Variants in LRRC37A2 observed in about 807,000 individuals in gnomAD.
The protein encoded by LRRC37A2 is leucine-rich repeat-containing protein 37A2.
LRRC37A2 carries 9 observed loss-of-function variants against 68.8 expected under a neutral mutation model. The ratio of observed to expected loss-of-function variants is 0.13; its 90% CI spans 0.08 to 0.23. The LOEUF (loss-of-function observed/expected upper bound fraction) is 0.23, where lower values mean the gene tolerates loss of function less well. LRRC37A2 is among the 10% of genes least tolerant of loss of function. The pLI, the probability that LRRC37A2 is intolerant of heterozygous loss-of-function variation, is 1.00. For synonymous variants in LRRC37A2, 63 were observed against 367.6 expected (o/e 0.17, Z 9.48); for missense variants, 168 against 950.4 (o/e 0.18, Z 10.82).
the LRRC37A2 span, among the ~76,000 whole-genome samples, chr17:46,831,993 A>G: frequency 6.6e-6 from 1 of 152,244 alleles, no homozygotes; most frequent in African/African-American, 2.4e-5. Context: ...CCCAGCCTTC[A>G]GCAGAGGCTT....
the LRRC37A2 span, among the ~76,000 whole-genome samples, chr17:46,951,681 A>G: frequency 6.6e-6 from 1 of 152,164 alleles, no homozygotes; most frequent in Non-Finnish European, 1.5e-5. Flanking sequence ...CTCCCAGGCC[A>G]GGGTAATGCT....
the LRRC37A2 span, among the ~76,000 whole-genome samples, chr17:46,938,220 T>C: frequency 6.6e-6 from 1 of 152,176 alleles, no homozygotes; most frequent in African/African-American, 2.4e-5. Context: ...AATTGTGGCT[T>C]TAGCTTTTAT....
the LRRC37A2 span, among the ~76,000 whole-genome samples, chr17:46,796,660 G>C: frequency 6.6e-6 from 1 of 152,338 alleles, no homozygotes; most frequent in African/African-American, 2.4e-5. Flanking sequence ...TGCAACTACA[G>C]GGGACCTAAG....
chr17:46,926,373 G>T, the LRRC37A2 span, among the ~76,000 whole-genome samples: 2 of 152,134 alleles, frequency 1.3e-5, no homozygotes, highest in African/African-American at 4.8e-5. Context: ...TTATGGGGTG[G>T]TGGGGGGCGG....
chr17:46,881,375 C>G, the LRRC37A2 span, among the ~76,000 whole-genome samples: 1 of 152,246 alleles, frequency 6.6e-6, no homozygotes, highest in African/African-American at 2.4e-5. Context: ...CGTCCACATG[C>G]AGCAGCAGGC....
the LRRC37A2 span, among the ~76,000 whole-genome samples, chr17:46,499,494 G>A: frequency 6.8e-6 from 1 of 146,796 alleles, no homozygotes; most frequent in African/African-American, 2.7e-5. Flanking sequence ...CTGCATCTCT[G>A]CCCTCAGCAG....
At chr17:46,941,096 A>G in the LRRC37A2 span, 2 of 1,041,792 alleles carry the variant, frequency 1.9e-6, no homozygotes, top group South Asian at 3.6e-5. Context: ...TGGTGTGCCT[A>G]TTGTGATTTA....
chr17:46,862,707 C>T, the LRRC37A2 span, among the ~76,000 whole-genome samples: 84 of 152,210 alleles, frequency 5.5e-4, 3 homozygotes, highest in East Asian at 0.015. Flanking sequence ...CTCAGCCTCC[C>T]GAGTAGCTAG....
At chr17:46,958,027 T>C in the LRRC37A2 span, among the ~76,000 whole-genome samples, 1 of 152,184 alleles carries the variant, frequency 6.6e-6, no homozygotes, top group Non-Finnish European at 1.5e-5. Flanking sequence ...TGGCTGCTGC[T>C]TTGGGAGTCT....
the LRRC37A2 span, among the ~76,000 whole-genome samples, chr17:46,725,784 C>T: frequency 6.6e-6 from 1 of 152,064 alleles, no homozygotes; most frequent in Non-Finnish European, 1.5e-5. Context: ...GAAACTAATT[C>T]TTACTCATGA....
chr17:46,742,155 T>A, the LRRC37A2 span, among the ~76,000 whole-genome samples: 5 of 152,218 alleles, frequency 3.3e-5, no homozygotes, highest in Non-Finnish European at 7.3e-5. Flanking sequence ...GCTAATCAAT[T>A]GATTAAAAGA....
chr17:46,813,810 T>C, the LRRC37A2 span, among the ~76,000 whole-genome samples: 5 of 152,188 alleles, frequency 3.3e-5, no homozygotes, highest in Non-Finnish European at 5.9e-5. Context: ...GTACCATTAA[T>C]GTTTATTAGC....
the LRRC37A2 span, among the ~76,000 whole-genome samples, chr17:46,999,152 T>C: frequency 3.9e-5 from 6 of 152,206 alleles, no homozygotes; most frequent in Non-Finnish European, 8.8e-5. Flanking sequence ...TTTAATTAGG[T>C]ACTATAGAGC....
the LRRC37A2 span, among the ~76,000 whole-genome samples, chr17:46,896,775 C>T: frequency 1.3e-5 from 2 of 152,182 alleles, no homozygotes; most frequent in Admixed American, 1.3e-4. Context: ...GCAGTCCTTG[C>T]CACTCACTGT....
chr17:46,836,112 G>GTGTGTGTGTGTGTA, the LRRC37A2 span, among the ~76,000 whole-genome samples: 1 of 151,556 alleles, frequency 6.6e-6, no homozygotes, highest in African/African-American at 2.4e-5. Context: ...GTGTGTGTGT[G>GTGTGTGTGTGTGTA]TGTGTGTGTG....
chr17:46,635,896 A>G, the LRRC37A2 span, among the ~76,000 whole-genome samples: 2 of 114,252 alleles, frequency 1.8e-5, no homozygotes, highest in Non-Finnish European at 1.9e-5. Context: ...CTCCTGGGGA[A>G]ACTCAAATGC....
At chr17:46,932,412 G>A in the LRRC37A2 span, 56 of 619,566 alleles carry the variant, frequency 9.0e-5, no homozygotes, top group South Asian at 1.0e-3. Flanking sequence ...AGAGGAAGCA[G>A]TTAAATTGAA....
the LRRC37A2 span, among the ~76,000 whole-genome samples, chr17:46,904,208 G>A: frequency 6.8e-6 from 1 of 146,716 alleles, no homozygotes; most frequent in Non-Finnish European, 1.5e-5. Context: ...GGATATATGG[G>A]TGGGTGGGAA....
At chr17:46,551,120 C>A (rs1305219394) in intron 11 of LRRC37A2, among the ~76,000 whole-genome samples, 1 of 149,706 alleles carries the variant, frequency 6.7e-6, no homozygotes, top group African/African-American at 2.6e-5. Flanking sequence ...TGAGCCTAGA[C>A]CCTCTGTGAG....
Sources: gnomAD v4.1 joint callset for allele counts (sites outside exome capture counted in the v4.1 genomes callset) on GRCh38, gnomAD v4.1.1 for gene constraint, MANE v1.5 for transcripts, NCBI Gene and HGNC (gene_info 2026-07-23, HGNC 2026-07-21) for gene names.